The following STK32C variants were observed in gnomAD, a reference collection of about 807,000 sequenced individuals.
STK32C encodes serine/threonine-protein kinase 32C.
In STK32C, 31 loss-of-function variants were observed where a neutral mutation model predicts 56.5. The observed-to-expected ratio is 0.55, with a 90% confidence interval of 0.41 to 0.74. The LOEUF is 0.74. STK32C is among the 30% of genes least tolerant of loss of function. The pLI, the probability that STK32C is intolerant of heterozygous loss-of-function variation, is 0.00. For missense variants in STK32C, 544 were observed against 676.9 expected, an observed-to-expected ratio of 0.80 and a Z score of 2.18; for synonymous variants, 309 against 289.4, an observed-to-expected ratio of 1.07 and a Z score of -0.69.
At chr10:132,235,154 T>C (rs1394200056) in intron 2 of STK32C, among the ~76,000 whole-genome samples, 8 of 152,140 alleles carry the variant, frequency 5.3e-5, no homozygotes. Context: ...GTGTGAGCTG[T>C]ATGAGTGGTG....
At chr10:132,320,047 G>C (rs1227279909), downstream of STK32C, among the ~76,000 whole-genome samples, 1 of 151,906 alleles carries the variant, frequency 6.6e-6, no homozygotes, top group African/African-American at 2.4e-5. Context: ...AAAGTTACAG[G>C]AGACCTCATA....
chr10:132,217,005 AC>A (rs1347669419), intron 10 of STK32C, among the ~76,000 whole-genome samples: 1 of 6,116 alleles, frequency 1.6e-4, no homozygotes, highest in African/African-American at 3.7e-4. Flanking sequence ...CCACTGGGGC[AC>A]ACTGCCTAGT....
rs184666893 is a variant in STK32C, at chr10:132,294,450, G to T, written c.262+13122C>A. ...GAGGCCTGCAGACGGCAGGGAGTGAGTGAGTTTGAGTTTTGCTGAAAATGG... is the reference window on the plus strand; with the variant it reads ...GAGGCCTGCAGACGGCAGGGAGTGATTGAGTTTGAGTTTTGCTGAAAATGG... On this transcript the variant is annotated intron_variant, in intron 1 of 11. Transcript: ENST00000298630. 2.9e-3 allele frequency among the ~76,000 whole-genome samples: 446 copies of T among 152,308 alleles called. 3 individuals carry two copies. The highest frequency in any genetic ancestry group is 2.3e-3 in the Non-Finnish European group (157 of 68,020).
chr10:132,281,240 C>A (rs998570000), intron 1 of STK32C, among the ~76,000 whole-genome samples: 1 of 151,944 alleles, frequency 6.6e-6, no homozygotes, highest in African/African-American at 2.4e-5. Flanking sequence ...GACCTTCAGG[C>A]CCCATCTTTT....
chr10:132,265,643 G>A (rs115116108), intron 1 of STK32C, among the ~76,000 whole-genome samples: 2,413 of 152,298 alleles, frequency 0.016, 73 homozygotes, highest in African/African-American at 0.053. Flanking sequence ...GGATTCAGCC[G>A]CAGGCAGCCA....
At position 132,307,557 on chromosome 10, in the gene STK32C, C is replaced by G. The variant is rs780250384; in HGVS notation, c.262+15G>C. ...TAGCGCGCGGCCCCCACGTCGTCCC[C>G]GTGCCCGCACTCACCGTCCTCCTTG... On this transcript the variant is annotated intron_variant, in intron 1 of 11. Coordinates refer to ENST00000298630, the MANE Select transcript of STK32C (RefSeq NM_173575.4). The surrounding 1 kb of genome is among the most constrained non-coding windows in gnomAD (Gnocchi z 4.4). The G allele has an allele frequency of 2.6e-6, 4 of 1,525,120 alleles. No individual in the cohort carries two copies. Among genetic ancestry groups the G allele is most frequent in the South Asian group, 1.2e-5 (1 of 85,240 alleles). 94.5% of individuals were successfully genotyped at this position (1,525,120 alleles called of 1,614,324 possible). A position where few individuals can be genotyped will look rare whatever the true frequency, so the allele number is the denominator to read the frequency against.
At chr10:132,305,648 A>T (rs1317567243) in intron 1 of STK32C, among the ~76,000 whole-genome samples, 1 of 152,188 alleles carries the variant, frequency 6.6e-6, no homozygotes. Context: ...TTCTCCTTCC[A>T]AACTGAATCC....
intron 1 of STK32C, among the ~76,000 whole-genome samples, chr10:132,314,865 A>G (rs184491399): frequency 2.2e-4 from 34 of 152,320 alleles, no homozygotes; most frequent in African/African-American, 6.3e-4. Flanking sequence ...GGCCAGGCGC[A>G]GTGGCTCATG....
At chr10:132,262,016 G>C (rs919282913) in intron 1 of STK32C, among the ~76,000 whole-genome samples, 6 of 152,042 alleles carry the variant, frequency 3.9e-5, no homozygotes, top group Admixed American at 3.9e-4. Context: ...ACAAAGCTGG[G>C]GGCATCACAT....
At chr10:132,226,500 C>T (rs1207306470) in intron 4 of STK32C, among the ~76,000 whole-genome samples, 1 of 152,224 alleles carries the variant, frequency 6.6e-6, no homozygotes, top group African/African-American at 2.4e-5. Context: ...CAGGTGAAGG[C>T]CACCTGCTGT....
chr10:132,286,125 CA>C (rs540022059), intron 1 of STK32C, among the ~76,000 whole-genome samples: 1,182 of 112,894 alleles, frequency 0.01, 8 homozygotes, highest in African/African-American at 0.03. Flanking sequence ...GACTCTGTCT[CA>C]AAAAAAAAAA....
rs1176751239 is a variant in STK32C at position 132,267,742 on chromosome 10, T to A, written c.263-21787A>T. ...GCATGCATGTCCCACATCGTGTGTG[T>A]GTGTGTCGGTGCGTGTGCATGCATG... is the stretch of plus-strand genomic sequence containing the variant. On this transcript the variant is annotated intron_variant, in intron 1 of 11. Coordinates refer to ENST00000298630, the MANE Select transcript of STK32C (RefSeq NM_173575.4). Among the ~76,000 whole-genome samples the A allele has an allele frequency of 2.2e-5, 3 of 136,008 alleles. No homozygotes were observed. The East Asian group carries it at 6.1e-4, about 28-fold the overall frequency. The allele number at this position is 136,008 out of a possible 152,430, so 89.2% of individuals were successfully genotyped here. A position where few individuals can be genotyped will look rare whatever the true frequency, so the allele number is the denominator to read the frequency against.
chr10:132,244,087 T>C (rs1434078637), intron 2 of STK32C, among the ~76,000 whole-genome samples: 1 of 152,110 alleles, frequency 6.6e-6, no homozygotes, highest in Non-Finnish European at 1.5e-5. Flanking sequence ...GTCATTGCCT[T>C]GGCCAGTGAA....
chr10:132,251,389 G>A (rs1012202233), intron 1 of STK32C, among the ~76,000 whole-genome samples: 8 of 152,200 alleles, frequency 5.3e-5, no homozygotes, highest in African/African-American at 1.7e-4. Context: ...AGGAGTGGGT[G>A]TGCAAAGGGT....
intron 1 of STK32C, among the ~76,000 whole-genome samples, chr10:132,264,989 T>C (rs1014208830): frequency 1.1e-4 from 16 of 151,916 alleles, no homozygotes; most frequent in African/African-American, 3.6e-4. Context: ...TGTCAGAGGA[T>C]TCAGGACAGC....
At chr10:132,309,077 C>T (rs1031873282), upstream of STK32C, among the ~76,000 whole-genome samples, 6 of 152,206 alleles carry the variant, frequency 3.9e-5, no homozygotes, top group Non-Finnish European at 8.8e-5. Context: ...GGACGATGAG[C>T]GGATCCCCAA....
chr10:132,311,577 G>A (rs905632157), upstream of STK32C, among the ~76,000 whole-genome samples: 3 of 152,200 alleles, frequency 2.0e-5, no homozygotes, highest in African/African-American at 4.8e-5. This position sits in a 1 kb window ranked among gnomAD's most constrained non-coding sequence, Gnocchi z 4.4. Flanking sequence ...GCACAGCGAC[G>A]GAGAACATGC....
chr10:132,248,964 T>A, intron 1 of STK32C: 1 of 456,734 alleles, frequency 2.2e-6, no homozygotes, highest in African/African-American at 2.0e-5. Flanking sequence ...GGAAACAAAA[T>A]CTATTAAATA....
chr10:132,260,853 C>A (rs2064279214), intron 1 of STK32C, among the ~76,000 whole-genome samples: 1 of 152,230 alleles, frequency 6.6e-6, no homozygotes, highest in Admixed American at 6.5e-5. Context: ...CTGGACGTGC[C>A]AAGGCCCAGC....
Sources: gnomAD v4.1 joint callset for allele counts (sites outside exome capture counted in the v4.1 genomes callset) on GRCh38, gnomAD v4.1.1 for gene constraint, Gnocchi (gnomAD v3.1) non-coding constraint, MANE v1.5 for transcripts, NCBI Gene and HGNC (gene_info 2026-07-23, HGNC 2026-07-21) for gene names.